SRGAP3: variants seen among roughly 807,000 people sequenced by gnomAD.
SRGAP3 encodes SLIT-ROBO Rho GTPase activating protein 3.
In SRGAP3, 39 loss-of-function variants were observed where a neutral mutation model predicts 121.1. The observed-to-expected ratio is 0.32, with a 90% confidence interval of 0.25 to 0.42. The LOEUF (loss-of-function observed/expected upper bound fraction) is 0.42. Among genes scored for constraint, SRGAP3 ranks in the 10% least tolerant of loss-of-function variants. The pLI is 1.00. For missense variants in SRGAP3, 1,213 were observed against 1,470.6 expected (o/e 0.82, Z 2.86); for synonymous variants, 601 against 570.0 (o/e 1.05, Z -0.77).
At chr3:9,250,961 CCT>C (rs1211501916), upstream of SRGAP3, among the ~76,000 whole-genome samples, 1 of 152,208 alleles carries the variant, frequency 6.6e-6, no homozygotes, top group Non-Finnish European at 1.5e-5. Flanking sequence ...CTGACTGTCC[CCT>C]GAGATAAATG....
chr3:9,165,659 G>A (rs367569414), intron 1 of SRGAP3, among the ~76,000 whole-genome samples: 65 of 152,130 alleles, frequency 4.3e-4, no homozygotes, highest in Middle Eastern at 3.4e-3. Context: ...TGCTTGTCCC[G>A]ATTACCTCTC....
rs144813736 is a variant in SRGAP3 at position 9,257,144 on chromosome 3, TA to T, written n.442+68865del. 1,329 of 315,284 alleles carry T rather than the reference TA, an allele frequency of 4.2e-3. 14 individuals carry two copies. The highest frequency in any genetic ancestry group is 0.026 in the African/African-American group (1,228 of 46,916). 19.5% of individuals were successfully genotyped at this position (315,284 alleles called of 1,614,324 possible). ...CCAACACAAAATAATTTACACCTTA[TA>T]TTTTTTTAATTCTAAAGCATGGGGT... On this transcript the variant is annotated intron_variant and non_coding_transcript_variant, in intron 3 of 3. Coordinates refer to the SRGAP3 transcript ENST00000490889.
chr3:9,214,995 G>A (rs927576079), intron 1 of SRGAP3, among the ~76,000 whole-genome samples: 34 of 152,258 alleles, frequency 2.2e-4, no homozygotes, highest in African/African-American at 8.2e-4. Flanking sequence ...GGAGGATAAA[G>A]TGAGGTGGCC....
intron 4 of SRGAP3, among the ~76,000 whole-genome samples, chr3:9,068,266 A>G (rs1429605988): frequency 6.6e-6 from 1 of 152,132 alleles, no homozygotes; most frequent in Non-Finnish European, 1.5e-5. Context: ...TCCAATCACC[A>G]TGCATCCATC....
At chr3:9,332,234 C>T (rs1955620895) in intron 1 of SRGAP3, among the ~76,000 whole-genome samples, 2 of 152,186 alleles carry the variant, frequency 1.3e-5, no homozygotes, top group Admixed American at 6.5e-5. Context: ...ATTTTCATGC[C>T]TCAGCCTCCT....
At chr3:9,303,373 T>A (rs1955101063) in intron 3 of SRGAP3, among the ~76,000 whole-genome samples, 2 of 149,100 alleles carry the variant, frequency 1.3e-5, no homozygotes, top group South Asian at 4.2e-4. Flanking sequence ...TGCAGCAAGC[T>A]GAGATCGCAC....
At chr3:9,164,554 T>C (rs1389441340) in intron 1 of SRGAP3, among the ~76,000 whole-genome samples, 1 of 152,130 alleles carries the variant, frequency 6.6e-6, no homozygotes, top group Non-Finnish European at 1.5e-5. Flanking sequence ...CCTCCCAAAG[T>C]GCTGGGATTA....
upstream of SRGAP3, among the ~76,000 whole-genome samples, chr3:9,253,387 A>G (rs748518100): frequency 6.6e-6 from 1 of 152,222 alleles, no homozygotes; most frequent in Non-Finnish European, 1.5e-5. Context: ...GGTTAAAAAT[A>G]TAAGGAAAAC....
intron 4 of SRGAP3, among the ~76,000 whole-genome samples, chr3:9,071,094 A>C (rs1196906712): frequency 1.3e-5 from 2 of 152,130 alleles, no homozygotes; most frequent in African/African-American, 4.8e-5. Flanking sequence ...AGCAGGAGGC[A>C]AACAGGACTG....
intron 3 of SRGAP3, among the ~76,000 whole-genome samples, chr3:9,255,147 A>C (rs1329664477): frequency 2.0e-5 from 3 of 152,228 alleles, no homozygotes; most frequent in African/African-American, 7.2e-5. Flanking sequence ...ATGTTATGTG[A>C]ATTTGACCTC....
chr3:9,162,823 G>A (rs1575167629), intron 1 of SRGAP3, among the ~76,000 whole-genome samples: 1 of 152,228 alleles, frequency 6.6e-6, no homozygotes, highest in African/African-American at 2.4e-5. Context: ...ACCTTGTAGG[G>A]TGTTTTGAGG....
rs560364235 is a variant in SRGAP3 at position 9,155,842 on chromosome 3, G to C, written c.68-30925C>G. Among the ~76,000 whole-genome samples, 11 of 152,264 alleles carry C rather than the reference G, an allele frequency of 7.2e-5. No homozygotes were observed. In the South Asian group the frequency reaches 2.3e-3, roughly 32 times the overall value. On this transcript the variant is annotated intron_variant, in intron 1 of 21. Coordinates refer to ENST00000383836, the MANE Select transcript of SRGAP3 (RefSeq NM_014850.4). ...ATTGCTTTCTTTTTCTTGAGACGGA[G>C]TCTCGCTCTGTCGCCCAGGCTGGAG...
rs972133950 is a variant in SRGAP3, at chr3:9,053,296, C to T, written c.1126-72G>A. ...CCGTTGACACCTAAAGTCCCTTTCC[C>T]AGCTGTCACTTTACTTCTTCCATAT... On this transcript the variant is annotated intron_variant, in intron 8 of 21. Coordinates refer to ENST00000383836, the MANE Select transcript of SRGAP3 (RefSeq NM_014850.4). 8 of 1,455,530 alleles carry T rather than the reference C, an allele frequency of 5.5e-6. No individual in the cohort carries two copies. In the African/African-American group the frequency reaches 8.4e-5, roughly 15 times the overall value. 90.2% of individuals were successfully genotyped at this position (1,455,530 alleles called of 1,614,324 possible).
At chr3:9,361,530 C>T (rs1462034479) in intron 1 of SRGAP3, among the ~76,000 whole-genome samples, 1 of 152,130 alleles carries the variant, frequency 6.6e-6, no homozygotes, top group African/African-American at 2.4e-5. Context: ...AAATAAAATT[C>T]TATGCCCCCC....
In SRGAP3 at chr3:8,981,535, A is replaced by G. The variant is rs341792; in HGVS notation, c.*3984T>C. 103,385 of 232,534 alleles carry G rather than the reference A, an allele frequency of 0.44. 26,969 individuals carry two copies. The highest frequency in any genetic ancestry group is 0.77 in the African/African-American group (34,809 of 45,360). The allele number at this position is 232,534 out of a possible 1,614,324, so 14.4% of individuals were successfully genotyped here. Reference sequence around the variant, plus strand: ...TCCATTAGCTGTGGACATGCACTGAATGCCACATCACGACCAGGTCACGAG... The same window carrying G: ...TCCATTAGCTGTGGACATGCACTGAGTGCCACATCACGACCAGGTCACGAG... On this transcript the variant is annotated 3_prime_UTR_variant, in exon 22 of 22. Transcript: ENST00000383836.
intron 3 of SRGAP3, among the ~76,000 whole-genome samples, chr3:9,259,042 C>T (rs1346431368): frequency 2.6e-5 from 4 of 152,166 alleles, no homozygotes; most frequent in Admixed American, 6.5e-5. Flanking sequence ...TGCTTCTCTC[C>T]CTCTTGCTCC....
intron 3 of SRGAP3, among the ~76,000 whole-genome samples, chr3:9,255,616 G>A (rs1372741150): frequency 1.3e-5 from 2 of 152,130 alleles, no homozygotes; most frequent in African/African-American, 4.8e-5. Context: ...CAGGCCTGTA[G>A]AGTGGGCTTG....
chr3:8,994,416 C>T lies in SRGAP3; in HGVS notation c.2335G>A (p.Glu779Lys). The change falls in exon 19 of 22, where the codon GAG becomes AAG. Residue 779 changes from glutamate (E) to lysine (K), a missense_variant. Glu to Lys is a moderately conservative substitution (Grantham distance 56, BLOSUM62 1). Around this residue, in one of 2 missense-constraint regions of SRGAP3, gnomAD observed 793 missense variants for 1,032.9 expected, o/e 0.77. Coordinates refer to ENST00000383836, the MANE Select transcript of SRGAP3 (RefSeq NM_014850.4). ...TTGTGCCGGCCCTCCCACCAGTCCTCCGAGGCGCGGTGGTACAGGAGCAGC... is the reference window on the plus strand; with the variant it reads ...TTGTGCCGGCCCTCCCACCAGTCCTTCGAGGCGCGGTGGTACAGGAGCAGC... ...ASLLLYHRAS[E>K]DWWEGRHNGV... is the part of the protein sequence containing the mutation. 1.2e-6 allele frequency: 2 copies of T among 1,614,252 alleles called. No homozygotes were observed. The highest frequency in any genetic ancestry group is 1.1e-5 in the South Asian group (1 of 91,086).
At chr3:9,081,525 G>T (rs1947244836) in intron 3 of SRGAP3, among the ~76,000 whole-genome samples, 1 of 152,206 alleles carries the variant, frequency 6.6e-6, no homozygotes, top group South Asian at 2.1e-4. Context: ...TGCTAAAAAG[G>T]GGGAGCAGGG....
Sources: gnomAD v4.1 joint callset for allele counts (sites outside exome capture counted in the v4.1 genomes callset) on GRCh38, gnomAD v4.1.1 for gene constraint, gnomAD v4.1.1 regional missense constraint, MANE v1.5 for transcripts, NCBI Gene and HGNC (gene_info 2026-07-23, HGNC 2026-07-21) for gene names.